ANO3: variants seen among roughly 807,000 people sequenced by gnomAD.
The protein encoded by ANO3 is anoctamin 3, also known as anoctamin-3.
Under a neutral mutation model 144.8 loss-of-function variants are expected in ANO3, and 99 were observed. That is an observed-to-expected ratio of 0.68 (90% CI 0.58 to 0.81). The LOEUF (loss-of-function observed/expected upper bound fraction) is 0.81, where lower values mean the gene tolerates loss of function less well. Ranked by LOEUF, ANO3 falls within the 30% of genes least tolerant of loss-of-function variation. ANO3 has a pLI of 0.00. For synonymous variants in ANO3, 414 were observed against 392.6 expected (o/e 1.05, Z -0.64); for missense variants, 905 against 1,202.2 (o/e 0.75, Z 3.66).
intron 1 of ANO3, among the ~76,000 whole-genome samples, chr11:26,408,988 G>T (rs1358303218): frequency 6.6e-6 from 1 of 151,302 alleles, no homozygotes; most frequent in Admixed American, 6.6e-5. Context: ...GGTGGGGGGA[G>T]TGGGGAGGGC....
chr11:26,268,443 C>T, intron 1 of ANO3, among the ~76,000 whole-genome samples: 1 of 152,064 alleles, frequency 6.6e-6, no homozygotes, highest in African/African-American at 2.4e-5. Context: ...GGTTTGATCC[C>T]TCCAGCACCC....
chr11:26,371,127 C>G (rs1361916460), intron 1 of ANO3, among the ~76,000 whole-genome samples: 3 of 152,120 alleles, frequency 2.0e-5, no homozygotes, highest in Middle Eastern at 3.2e-3. Flanking sequence ...GTGGACCAGG[C>G]CAAGGGGCAT....
At chr11:26,431,908 T>C (rs1858105245) in intron 1 of ANO3, among the ~76,000 whole-genome samples, 1 of 152,212 alleles carries the variant, frequency 6.6e-6, no homozygotes, top group African/African-American at 2.4e-5. Context: ...TATATTCTTT[T>C]GGGTATATAC....
chr11:26,608,962 G>T (rs1253931170), intron 17 of ANO3, among the ~76,000 whole-genome samples: 1 of 152,178 alleles, frequency 6.6e-6, no homozygotes, highest in Non-Finnish European at 1.5e-5. Flanking sequence ...CTGTGGTGCT[G>T]GTCGCCCCTC....
intron 17 of ANO3, among the ~76,000 whole-genome samples, chr11:26,614,700 A>T (rs1401647254): frequency 6.6e-6 from 1 of 152,156 alleles, no homozygotes; most frequent in Non-Finnish European, 1.5e-5. Flanking sequence ...GGGACCACTG[A>T]GGATCTTTAA....
chr11:26,439,906 C>G (rs1011367347), intron 1 of ANO3, among the ~76,000 whole-genome samples: 2 of 151,814 alleles, frequency 1.3e-5, no homozygotes, highest in African/African-American at 4.8e-5. Flanking sequence ...AATTTAAAAC[C>G]TTTTAAAATG....
At chr11:26,274,559 A>G (rs1217041969) in intron 1 of ANO3, among the ~76,000 whole-genome samples, 1 of 152,138 alleles carries the variant, frequency 6.6e-6, no homozygotes, top group Non-Finnish European at 1.5e-5. Flanking sequence ...GCCTCATGTG[A>G]CACTGAGAAA....
intron 14 of ANO3, 120 bp from the exon 15 acceptor site, chr11:26,598,245 A>C (rs1448556270): frequency 6.9e-6 from 3 of 435,286 alleles, no homozygotes; most frequent in African/African-American, 6.2e-5. Flanking sequence ...GGGAAAAATA[A>C]AATTTTAATT....
At chr11:26,479,641 C>T (rs563278098) in intron 4 of ANO3, among the ~76,000 whole-genome samples, 25 of 152,182 alleles carry the variant, frequency 1.6e-4, no homozygotes, top group South Asian at 1.0e-3. Flanking sequence ...CTGGCCCTGC[C>T]CTTGACACCT....
intron 4 of ANO3, among the ~76,000 whole-genome samples, chr11:26,495,074 CATTTATTTATTT>C (rs56862775): frequency 0.033 from 4,795 of 143,416 alleles, 86 homozygotes; most frequent in South Asian, 0.058. Flanking sequence ...TAAATATCTA[CATTTATTTATTT>C]ATTTATTTAT....
intron 14 of ANO3, among the ~76,000 whole-genome samples, chr11:26,598,030 G>C (rs1851687577): frequency 6.6e-6 from 1 of 152,122 alleles, no homozygotes; most frequent in Non-Finnish European, 1.5e-5. Flanking sequence ...GGCTTTATTT[G>C]AGTCTTTAGA....
rs374353436 is a variant in ANO3, at chr11:26,371,161, A to G, written c.46+38840A>G. ...ATCCAGCTCTGTGCAGTCTCAGGAC[A>G]TGGTGCCCTGTATCCTAGCTGCTTC... is the stretch of plus-strand genomic sequence containing the variant. On this transcript the variant is annotated intron_variant, in intron 1 of 26. Transcript: ENST00000256737. Among the ~76,000 whole-genome samples the G allele has an allele frequency of 1.4e-3, 217 of 152,290 alleles. 4 individuals carry two copies. In the South Asian group the frequency reaches 0.041, roughly 29 times the overall value.
At chr11:26,453,137 A>T (rs1859013416) in intron 3 of ANO3, among the ~76,000 whole-genome samples, 1 of 152,228 alleles carries the variant, frequency 6.6e-6, no homozygotes, top group Non-Finnish European at 1.5e-5. Context: ...GCCAAAATGT[A>T]AAGACCATTG....
chr11:26,363,375 T>C (rs190081881), intron 1 of ANO3, among the ~76,000 whole-genome samples: 1 of 152,312 alleles, frequency 6.6e-6, no homozygotes, highest in Admixed American at 6.5e-5. Flanking sequence ...CTCACAGTTT[T>C]GAAGTTTAAT....
At chr11:26,316,191 G>A (rs369384240) in intron 1 of ANO3, among the ~76,000 whole-genome samples, 2 of 152,140 alleles carry the variant, frequency 1.3e-5, no homozygotes, top group Admixed American at 6.6e-5. Context: ...TCTGCAGGTC[G>A]AGAAATAAAA....
At chr11:26,569,557 TGGAGTAAGGTCCA>T (rs978186655) in intron 14 of ANO3, among the ~76,000 whole-genome samples, 3 of 152,056 alleles carry the variant, frequency 2.0e-5, no homozygotes, top group African/African-American at 7.2e-5. Flanking sequence ...GAAATTTTGC[TGGAGTAAGGTCCA>T]GGAGATTTGG....
chr11:26,611,631 T>A (rs556989322), intron 17 of ANO3, among the ~76,000 whole-genome samples: 1 of 152,298 alleles, frequency 6.6e-6, no homozygotes, highest in East Asian at 1.9e-4. Context: ...CCATTTGGTC[T>A]ATGGTGTAGT....
At chr11:26,509,105 C>CTCTCTA (rs375328197) in intron 5 of ANO3, among the ~76,000 whole-genome samples, 1 of 147,626 alleles carries the variant, frequency 6.8e-6, no homozygotes, top group African/African-American at 2.5e-5. Context: ...CTCTCTCTCT[C>CTCTCTA]TATATATATA....
intron 18 of ANO3, among the ~76,000 whole-genome samples, chr11:26,632,535 T>C (rs1852818643): frequency 6.8e-6 from 1 of 147,310 alleles, no homozygotes; most frequent in Non-Finnish European, 1.5e-5. Context: ...AAAATTTATA[T>C]ATATATAAAA....
Sources: allele counts gnomAD v4.1 joint callset (sites outside exome capture counted in the v4.1 genomes callset), GRCh38; gene constraint gnomAD v4.1.1; transcripts MANE v1.5; gene names NCBI Gene and HGNC (gene_info 2026-07-23, HGNC 2026-07-21).